Variants in JAKMIP3 observed in about 807,000 individuals in gnomAD.
The protein encoded by JAKMIP3 is Janus kinase and microtubule interacting protein 3, also known as janus kinase and microtubule-interacting protein 3.
A neutral mutation model predicts 118.5 loss-of-function variants in JAKMIP3; 58 were observed. The ratio of observed to expected loss-of-function variants is 0.49; its 90% CI spans 0.40 to 0.61. JAKMIP3 has a LOEUF of 0.61. Ranked by LOEUF, JAKMIP3 falls within the 20% of genes least tolerant of loss-of-function variation. The probability of loss-of-function intolerance (pLI) is 0.00; values close to 1 mark genes in which losing one functional copy is unlikely to be tolerated. For missense variants in JAKMIP3, 950 were observed against 1,109.0 expected, an observed-to-expected ratio of 0.86 and a Z score of 2.04; for synonymous variants, 486 against 451.2, an observed-to-expected ratio of 1.08 and a Z score of -0.98.
chr10:132,125,255 G>C (rs548937148), intron 3 of JAKMIP3, among the ~76,000 whole-genome samples: 1 of 149,522 alleles, frequency 6.7e-6, no homozygotes, highest in South Asian at 2.1e-4. Flanking sequence ...TGAGTGGTTT[G>C]GGATGGATTG....
chr10:132,103,869 A>C (rs957741499), intron 1 of JAKMIP3, among the ~76,000 whole-genome samples: 10 of 152,154 alleles, frequency 6.6e-5, no homozygotes, highest in African/African-American at 2.4e-4. Flanking sequence ...CATCTCCATT[A>C]AACAGTAGCT....
At chr10:132,075,846 G>A (rs1589755455) in intron 1 of JAKMIP3, among the ~76,000 whole-genome samples, 1 of 152,064 alleles carries the variant, frequency 6.6e-6, no homozygotes, top group East Asian at 1.9e-4. Context: ...AGAATGCTTC[G>A]TTTCTTTGTG....
In JAKMIP3 at chr10:132,044,083, T is replaced by A. The variant is rs1027166831; in HGVS notation, c.-138+7345T>A. On this transcript the variant is annotated intron_variant, in intron 1 of 23. Transcript: ENST00000657785. This position sits in a 1 kb window ranked among gnomAD's most constrained non-coding sequence, Gnocchi z 5.3. ...GATACCGTGTGTGCAGTGGCGCTTG[T>A]GGCCCACCTGGGGACACAGGCTGCC... Among the ~76,000 whole-genome samples, 5 of 152,200 alleles carry A rather than the reference T, an allele frequency of 3.3e-5. No individual in the cohort carries two copies. The highest frequency in any genetic ancestry group is 1.2e-4 in the African/African-American group (5 of 41,448).
chr10:132,125,527 T>G (rs2049372977), intron 3 of JAKMIP3, among the ~76,000 whole-genome samples: 1 of 152,260 alleles, frequency 6.6e-6, no homozygotes, highest in South Asian at 2.1e-4. Flanking sequence ...CTTCTTTCCC[T>G]TCTTCAAGAT....
intron 1 of JAKMIP3, among the ~76,000 whole-genome samples, chr10:132,057,152 G>GA (rs1156812262): frequency 6.6e-6 from 1 of 152,196 alleles, no homozygotes; most frequent in African/African-American, 2.4e-5. Context: ...ACCAGGGAGG[G>GA]AGGAAGGTCA....
At chr10:132,113,922 C>A (rs939858016) in intron 2 of JAKMIP3, among the ~76,000 whole-genome samples, 1 of 152,192 alleles carries the variant, frequency 6.6e-6, no homozygotes, top group Non-Finnish European at 1.5e-5. Context: ...CGTTACTGTC[C>A]CGTCCTTCGC....
intron 23 of JAKMIP3, among the ~76,000 whole-genome samples, chr10:132,177,395 G>A (rs560539258): frequency 6.6e-6 from 1 of 152,370 alleles, no homozygotes; most frequent in East Asian, 1.9e-4. Context: ...TGTGTGGGGG[G>A]AGTGTGCCTG....
chr10:132,045,495 G>A (rs912962169), intron 1 of JAKMIP3, among the ~76,000 whole-genome samples: 5 of 152,200 alleles, frequency 3.3e-5, no homozygotes, highest in African/African-American at 1.2e-4. Context: ...ATGTGGTTGT[G>A]CTGAGGCCCT....
At chr10:132,111,357 C>CG (rs1554934588) in intron 2 of JAKMIP3, among the ~76,000 whole-genome samples, 1 of 152,004 alleles carries the variant, frequency 6.6e-6, no homozygotes, top group South Asian at 2.1e-4. Flanking sequence ...AGACCCCCCC[C>CG]ATGAGCACAG....
chr10:132,065,299 C>T (rs1200054736), upstream of JAKMIP3, among the ~76,000 whole-genome samples: 2 of 152,084 alleles, frequency 1.3e-5, no homozygotes, highest in Admixed American at 6.6e-5. The surrounding 1 kb of genome is among the most constrained non-coding windows in gnomAD (Gnocchi z 5.6). Context: ...GGTGAGCTCT[C>T]GTGCTTGCCC....
chr10:132,162,037 G>A (rs76412928), intron 19 of JAKMIP3, among the ~76,000 whole-genome samples: 2,759 of 147,558 alleles, frequency 0.019, 163 homozygotes, highest in African/African-American at 0.064. Flanking sequence ...CTCCTATGTC[G>A]TTCATGGTGT....
intron 1 of JAKMIP3, among the ~76,000 whole-genome samples, chr10:132,085,959 C>T (rs945732187): frequency 4.0e-5 from 6 of 151,884 alleles, no homozygotes; most frequent in Non-Finnish European, 8.8e-5. Flanking sequence ...GAGGTGTGAC[C>T]TTAGATTGTT....
At chr10:132,080,244 C>A (rs529440950) in intron 1 of JAKMIP3, among the ~76,000 whole-genome samples, 7 of 152,106 alleles carry the variant, frequency 4.6e-5, no homozygotes, top group Admixed American at 4.6e-4. Flanking sequence ...ACATTTCTGC[C>A]GACAGTGTAC....
chr10:132,098,765 G>A (rs1177676762), intron 1 of JAKMIP3, among the ~76,000 whole-genome samples: 1 of 152,210 alleles, frequency 6.6e-6, no homozygotes, highest in African/African-American at 2.4e-5. Flanking sequence ...GGCATTTGCA[G>A]TGAGGAGGGG....
At chr10:132,082,321 A>G (rs1589769827) in intron 1 of JAKMIP3, among the ~76,000 whole-genome samples, 1 of 151,328 alleles carries the variant, frequency 6.6e-6, no homozygotes, top group Admixed American at 6.6e-5. Context: ...ATTTTGGTGC[A>G]CCCGTCACTC....
intron 11 of JAKMIP3, 142 bp downstream of exon 11, chr10:132,142,190 G>A (rs1589931173): frequency 6.7e-6 from 6 of 899,228 alleles, no homozygotes; most frequent in African/African-American, 3.4e-5. Context: ...TCCTGGTGGT[G>A]CCCATGGAAG....
Position 132,082,904 on chromosome 10 carries a change from G to A in JAKMIP3, c.-138+16843G>A, listed in dbSNP as rs527608079. On this transcript the variant is annotated intron_variant, in intron 1 of 23. Transcript: ENST00000684848. ...AATACAGGCGTGAACCACCGCGCCCGGCCTATACCACAGTTTCTTTATTCA... is the reference window on the plus strand; with the variant it reads ...AATACAGGCGTGAACCACCGCGCCCAGCCTATACCACAGTTTCTTTATTCA... Among the ~76,000 whole-genome samples, 13 of 152,312 alleles carry A rather than the reference G, an allele frequency of 8.5e-5. 1 individual carries two copies. The South Asian group carries it at 2.3e-3, about 27-fold the overall frequency.
At chr10:132,139,709 G>T (rs2053074675) in intron 9 of JAKMIP3, among the ~76,000 whole-genome samples, 1 of 152,246 alleles carries the variant, frequency 6.6e-6, no homozygotes, top group Admixed American at 6.5e-5. Context: ...GACACAGGGT[G>T]TGGGGAGGCA....
Position 132,149,594 on chromosome 10 carries a change from T to TCCGCCC in JAKMIP3, c.1947+92_1947+97dup. 4 of 158,444 alleles carry TCCGCCC rather than the reference T, an allele frequency of 2.5e-5. 1 individual carries two copies. Among genetic ancestry groups the TCCGCCC allele is most frequent in the South Asian group, 1.7e-4 (4 of 23,128 alleles). The allele number at this position is 158,444 out of a possible 1,614,324, so 9.8% of individuals were successfully genotyped here. On this transcript the variant is annotated intron_variant, in intron 15 of 23. Transcript: ENST00000684848. Reference sequence around the variant, plus strand: ...CCTCTCCGCCCCCGCCCCACCCCCCTCCGCCCCCGCCCCACCCCCCTCCGC... The same window carrying TCCGCCC: ...CCTCTCCGCCCCCGCCCCACCCCCCTCCGCCCCCGCCCCCGCCCCACCCCCCTCCGC...
Sources: gnomAD v4.1 joint callset for allele counts (sites outside exome capture counted in the v4.1 genomes callset) on GRCh38, gnomAD v4.1.1 for gene constraint, Gnocchi (gnomAD v3.1) non-coding constraint, MANE v1.5 for transcripts, NCBI Gene and HGNC (gene_info 2026-07-23, HGNC 2026-07-21) for gene names.